Variants in SH3D19 observed in about 807,000 individuals in gnomAD.
The protein encoded by SH3D19 is SH3 domain containing 19.
Under a neutral mutation model 112.1 loss-of-function variants are expected in SH3D19, and 58 were observed. That is an observed-to-expected ratio of 0.52 (90% CI 0.42 to 0.64). The LOEUF (loss-of-function observed/expected upper bound fraction) is 0.64, where lower values mean the gene tolerates loss of function less well. Among genes scored for constraint, SH3D19 ranks in the 30% least tolerant of loss-of-function variants. The probability of loss-of-function intolerance (pLI) is 0.00; values close to 1 mark genes in which losing one functional copy is unlikely to be tolerated. For synonymous variants in SH3D19, 391 were observed against 448.5 expected (o/e 0.87, Z 1.62); for missense variants, 1,090 against 1,263.4 (o/e 0.86, Z 2.08).
intron 2 of SH3D19, among the ~76,000 whole-genome samples, chr4:151,212,670 T>G (rs1766161216): frequency 6.6e-6 from 1 of 152,238 alleles, no homozygotes; most frequent in Non-Finnish European, 1.5e-5. Flanking sequence ...GATGCAGATG[T>G]ACAGGGAGAT....
intron 1 of SH3D19, among the ~76,000 whole-genome samples, chr4:151,257,659 G>GTAATCC (rs1215198989): frequency 6.6e-6 from 1 of 152,118 alleles, no homozygotes; most frequent in African/African-American, 2.4e-5. Flanking sequence ...GCTCAAGGCT[G>GTAATCC]TAATCCTAAT....
At chr4:151,273,589 C>CAAAAAAAAAAAAAAAA (rs60600816) in intron 1 of SH3D19, among the ~76,000 whole-genome samples, 1 of 64,648 alleles carries the variant, frequency 1.5e-5, no homozygotes, top group Non-Finnish European at 2.5e-5. Context: ...GACTCCATCT[C>CAAAAAAAAAAAAAAAA]AAAAAAAAAA....
chr4:151,213,561 C>T (rs1225001580), intron 2 of SH3D19, among the ~76,000 whole-genome samples: 1 of 152,054 alleles, frequency 6.6e-6, no homozygotes, highest in Non-Finnish European at 1.5e-5. Context: ...GGGAAAACTG[C>T]TTGAGCCTAG....
rs1370665044 is a variant in SH3D19 at position 151,234,742 on chromosome 4, T to G, written c.113-8656A>C. Among the ~76,000 whole-genome samples the G allele has an allele frequency of 2.5e-4, 28 of 113,082 alleles. 4 individuals are homozygous for G. Among genetic ancestry groups the G allele is most frequent in the Admixed American group, 4.2e-4 (5 of 11,812 alleles). The allele number at this position is 113,082 out of a possible 152,430, so 74.2% of individuals were successfully genotyped here. A position where few individuals can be genotyped will look rare whatever the true frequency, so the allele number is the denominator to read the frequency against. ...TTTTCTTTCCAAGTTTGTGTTTTTT[T>G]TTTTTTTTTTTTTTTTTTTTTTTTA... On this transcript the variant is annotated intron_variant, in intron 1 of 19. Coordinates refer to ENST00000604030, the MANE Select transcript of SH3D19 (RefSeq NM_001378122.1).
chr4:151,229,729 A>G (rs1187753028), intron 1 of SH3D19, among the ~76,000 whole-genome samples: 1 of 152,186 alleles, frequency 6.6e-6, no homozygotes, highest in Non-Finnish European at 1.5e-5. Flanking sequence ...CCTGGCCAAC[A>G]TGGCAAAACC....
At chr4:151,313,826 A>C (rs973282957) in intron 1 of SH3D19, among the ~76,000 whole-genome samples, 10 of 152,064 alleles carry the variant, frequency 6.6e-5, no homozygotes, top group African/African-American at 9.7e-5. Context: ...GAAGAAACAA[A>C]GGGTGTGGTA....
intron 1 of SH3D19, among the ~76,000 whole-genome samples, chr4:151,254,042 G>C (rs1320861718): frequency 1.3e-5 from 2 of 152,118 alleles, no homozygotes. Flanking sequence ...CTTTGTTATT[G>C]CACAGTATAA....
At chr4:151,188,373 T>C (rs1300885089) in intron 2 of SH3D19, among the ~76,000 whole-genome samples, 1 of 152,198 alleles carries the variant, frequency 6.6e-6, no homozygotes, top group Non-Finnish European at 1.5e-5. Context: ...AAAGAATTAA[T>C]ATAAGGTAGA....
At chr4:151,246,943 T>C (rs923517670) in intron 1 of SH3D19, among the ~76,000 whole-genome samples, 1 of 152,206 alleles carries the variant, frequency 6.6e-6, no homozygotes, top group Non-Finnish European at 1.5e-5. Context: ...TTACATAGGA[T>C]TGATCCATGT....
chr4:151,264,962 G>A (rs1197099699), intron 1 of SH3D19, among the ~76,000 whole-genome samples: 1 of 151,992 alleles, frequency 6.6e-6, no homozygotes, highest in Non-Finnish European at 1.5e-5. Context: ...CAAGACAGTG[G>A]AATGAACAAC....
intron 7 of SH3D19, chr4:151,170,390 T>C (rs1758840675): frequency 6.6e-6 from 1 of 152,056 alleles, no homozygotes; most frequent in East Asian, 1.9e-4. Flanking sequence ...CAAAAGAAAC[T>C]TCTGGTTTCT....
chr4:151,291,315 A>G (rs1192995784), intron 1 of SH3D19: 2 of 1,613,658 alleles, frequency 1.2e-6, no homozygotes, highest in African/African-American at 1.3e-5. Context: ...CTATTGTCCT[A>G]CTCTCTCTGG....
At chr4:151,171,559 C>A (rs1359800250) in intron 7 of SH3D19, among the ~76,000 whole-genome samples, 1 of 152,166 alleles carries the variant, frequency 6.6e-6, no homozygotes, top group Non-Finnish European at 1.5e-5. Flanking sequence ...TCCACACCTG[C>A]TGGTGAACAA....
intron 9 of SH3D19, among the ~76,000 whole-genome samples, chr4:151,157,668 C>T (rs1756376151): frequency 6.6e-6 from 1 of 151,820 alleles, no homozygotes; most frequent in Non-Finnish European, 1.5e-5. Flanking sequence ...TCACAATAGC[C>T]AAGATACGGA....
At chr4:151,286,355 C>T (rs1311167004) in intron 1 of SH3D19, among the ~76,000 whole-genome samples, 3 of 148,790 alleles carry the variant, frequency 2.0e-5, no homozygotes, top group African/African-American at 7.4e-5. Context: ...TTTAGCTAAA[C>T]TGAGCAAGAA....
chr4:151,260,655 G>A (rs879553142), intron 1 of SH3D19, among the ~76,000 whole-genome samples: 15 of 152,124 alleles, frequency 9.9e-5, no homozygotes, highest in Admixed American at 4.6e-4. Context: ...ATCCCCCAGC[G>A]GTTGCCCAGG....
At chr4:151,149,405 A>C in intron 10 of SH3D19, 95 bp downstream of exon 10, 2 of 990,358 alleles carry the variant, frequency 2.0e-6, no homozygotes, top group Non-Finnish European at 3.1e-6. Flanking sequence ...TCTCTAAAAA[A>C]AGATTCAAGG....
chr4:151,139,643 G>A, intron 13 of SH3D19, 132 bp downstream of exon 13: 1 of 699,240 alleles, frequency 1.4e-6, no homozygotes, highest in South Asian at 1.8e-5. Flanking sequence ...TGGATAAGAT[G>A]ACCTCTCCAG....
chr4:151,232,163 G>A (rs1769661539), intron 1 of SH3D19, among the ~76,000 whole-genome samples: 1 of 152,200 alleles, frequency 6.6e-6, no homozygotes, highest in Non-Finnish European at 1.5e-5. Flanking sequence ...CAGCCTGGGG[G>A]ATGGAGGAAG....
Sources: gnomAD v4.1 joint callset for allele counts (sites outside exome capture counted in the v4.1 genomes callset) on GRCh38, gnomAD v4.1.1 for gene constraint, MANE v1.5 for transcripts, NCBI Gene and HGNC (gene_info 2026-07-23, HGNC 2026-07-21) for gene names.